SLC28A1: variants seen among roughly 807,000 people sequenced by gnomAD.
SLC28A1 encodes sodium/nucleoside cotransporter 1.
SLC28A1 carries 64 observed loss-of-function variants against 74.8 expected under a neutral mutation model. The ratio of observed to expected loss-of-function variants is 0.86; its 90% CI spans 0.70 to 1.05. The LOEUF (loss-of-function observed/expected upper bound fraction) is 1.05, where lower values mean the gene tolerates loss of function less well. Among genes scored for constraint, SLC28A1 ranks in the 50% least tolerant of loss-of-function variants. The pLI, the probability that SLC28A1 is intolerant of heterozygous loss-of-function variation, is 0.00. For missense variants in SLC28A1, 828 were observed against 822.8 expected (o/e 1.01, Z -0.08); for synonymous variants, 359 against 335.0 (o/e 1.07, Z -0.78).
chr15:84,932,798 T>C (rs1376630314), intron 12 of SLC28A1, among the ~76,000 whole-genome samples: 2 of 152,210 alleles, frequency 1.3e-5, no homozygotes, highest in Non-Finnish European at 2.9e-5. Context: ...ACCTTGAACT[T>C]GGAGCCAAAA....
intron 13 of SLC28A1, 87 bp downstream of exon 13, chr15:84,933,362 C>T: frequency 2.0e-6 from 3 of 1,480,176 alleles, no homozygotes; most frequent in Middle Eastern, 1.8e-4. Context: ...CTGTCCATCA[C>T]TGTCTTCCAC....
In SLC28A1 at chr15:84,886,712, A is replaced by G; in HGVS notation, c.-92A>G. The G allele has an allele frequency of 1.0e-6, 1 of 985,520 alleles. No homozygotes were observed. The highest frequency in any genetic ancestry group is 1.2e-6 in the Non-Finnish European group (1 of 829,968). 61.0% of individuals were successfully genotyped at this position (985,520 alleles called of 1,614,324 possible). ...TGACAAGGCAAGCCAGAGCCAAAGC[A>G]GGTTGGACCCAGCTTGTCCCCACAG... On this transcript the variant is annotated 5_prime_UTR_variant, in exon 2 of 19. Transcript: ENST00000394573.
downstream of SLC28A1, among the ~76,000 whole-genome samples, chr15:84,948,198 C>T (rs963405866): frequency 1.3e-5 from 2 of 152,146 alleles, no homozygotes; most frequent in African/African-American, 4.8e-5. Context: ...AATTCAAGCT[C>T]ATGCCTTCAG....
chr15:84,888,864 G>T lies in SLC28A1; in HGVS notation c.185+4G>T. On this transcript the variant is annotated splice_donor_region_variant and intron_variant, in intron 4 of 18. Transcript: ENST00000394573. ...CGCCGAAGCCCTTCTCCAGATGGTA[G>T]GTGATCTCTGGAGAGACAAGGGCGG... The T allele has an allele frequency of 6.5e-7, 1 of 1,546,216 alleles. No homozygotes were observed. Among genetic ancestry groups the T allele is most frequent in the Non-Finnish European group, 8.8e-7 (1 of 1,141,918 alleles).
intron 12 of SLC28A1, among the ~76,000 whole-genome samples, chr15:84,930,907 T>C (rs968750487): frequency 6.6e-6 from 1 of 152,024 alleles, no homozygotes; most frequent in Non-Finnish European, 1.5e-5. Context: ...GTAGCTGGGA[T>C]TACAGGCACA....
At chr15:84,888,728 T>C in intron 3 of SLC28A1, 44 bp from the exon 4 acceptor site, 1 of 1,399,144 alleles carries the variant, frequency 7.1e-7, no homozygotes, top group Non-Finnish European at 9.9e-7. Flanking sequence ...TTCCTGGGGG[T>C]GGGTAAGGGG....
chr15:84,954,503 A>G, the SLC28A1 span, among the ~76,000 whole-genome samples: 1 of 152,254 alleles, frequency 6.6e-6, no homozygotes, highest in Non-Finnish European at 1.5e-5. Flanking sequence ...AGTTATTTGC[A>G]TATGCTGTCC....
chr15:84,893,774 C>A (rs1417024417), intron 5 of SLC28A1, among the ~76,000 whole-genome samples: 1 of 152,186 alleles, frequency 6.6e-6, no homozygotes, highest in Admixed American at 6.5e-5. Context: ...GCCTCACTGG[C>A]TTTCTAGGGC....
intron 6 of SLC28A1, among the ~76,000 whole-genome samples, chr15:84,898,129 CT>C (rs71135316): frequency 0.015 from 2,215 of 147,522 alleles, 50 homozygotes; most frequent in African/African-American, 0.043. Context: ...TATTGATTTC[CT>C]TTTTTTTTTT....
At chr15:84,941,822 GA>G (rs1972756637) in intron 15 of SLC28A1, among the ~76,000 whole-genome samples, 2 of 152,106 alleles carry the variant, frequency 1.3e-5, no homozygotes, top group East Asian at 3.9e-4. Context: ...TCAAAAAAAG[GA>G]AAGAAAGAAA....
At chr15:84,888,937 T>C in intron 4 of SLC28A1, 77 bp downstream of exon 4, 1 of 1,043,440 alleles carries the variant, frequency 9.6e-7, no homozygotes, top group Non-Finnish European at 1.5e-6. Flanking sequence ...CCGGGCCTCC[T>C]GGCGGATGGG....
chr15:84,916,153 TG>T (rs890537112), intron 9 of SLC28A1, among the ~76,000 whole-genome samples: 1 of 150,946 alleles, frequency 6.6e-6, no homozygotes, highest in Non-Finnish European at 1.5e-5. Flanking sequence ...TTAGTAGAGA[TG>T]GGGTTTCACC....
the SLC28A1 span, among the ~76,000 whole-genome samples, chr15:84,959,853 A>G: frequency 5.1e-3 from 780 of 152,306 alleles, 7 homozygotes; most frequent in African/African-American, 0.018. Context: ...CCTCAAATCT[A>G]TGGTGATCCT....
intron 1 of SLC28A1, chr15:84,886,431 C>T: frequency 9.1e-6 from 9 of 985,382 alleles, no homozygotes; most frequent in Non-Finnish European, 9.6e-6. Context: ...AGAAGCGGCC[C>T]TAATAGGCCT....
chr15:84,890,574 C>T, intron 5 of SLC28A1, 40 bp downstream of exon 5: 1 of 1,471,264 alleles, frequency 6.8e-7, no homozygotes, highest in East Asian at 2.3e-5. Flanking sequence ...CACAATGACT[C>T]CTGCCTCAGC....
chr15:84,920,630 A>T (rs12591784), intron 10 of SLC28A1, among the ~76,000 whole-genome samples: 22,255 of 152,132 alleles, frequency 0.15, 2,650 homozygotes, highest in East Asian at 0.51. Context: ...TTATGCTATG[A>T]AAATTTAAAT....
chr15:84,916,382 CAT>C (rs1430475520), intron 9 of SLC28A1, among the ~76,000 whole-genome samples: 1 of 151,600 alleles, frequency 6.6e-6, no homozygotes, highest in Non-Finnish European at 1.5e-5. Context: ...GTTGGAACCA[CAT>C]GTGTGTGCCA....
rs189563716 is a variant in SLC28A1 at position 84,886,767 on chromosome 15, C to A, written c.-37C>A. ...GTGTGCTTCCCTCTCTCTCTGAGAGCGACCTGTTAACCGCAAATACGTGAG... is the reference window on the plus strand; with the variant it reads ...GTGTGCTTCCCTCTCTCTCTGAGAGAGACCTGTTAACCGCAAATACGTGAG... On this transcript the variant is annotated 5_prime_UTR_variant, in exon 2 of 19. Coordinates refer to ENST00000394573, the MANE Select transcript of SLC28A1 (RefSeq NM_004213.5). The A allele has an allele frequency of 9.1e-6, 9 of 985,358 alleles. No homozygotes were observed. In the South Asian group the frequency reaches 3.3e-4, roughly 36 times the overall value. 61.0% of individuals were successfully genotyped at this position (985,358 alleles called of 1,614,324 possible).
At chr15:84,962,758 G>T in the SLC28A1 span, among the ~76,000 whole-genome samples, 2 of 152,220 alleles carry the variant, frequency 1.3e-5, no homozygotes, top group African/African-American at 4.8e-5. Flanking sequence ...TTTTACCCCA[G>T]AAGGGAAAGG....
Sources: gnomAD v4.1 joint callset for allele counts (sites outside exome capture counted in the v4.1 genomes callset) on GRCh38, gnomAD v4.1.1 for gene constraint, MANE v1.5 for transcripts, NCBI Gene and HGNC (gene_info 2026-07-23, HGNC 2026-07-21) for gene names.